The following PRKG1 variants were observed in gnomAD, a reference collection of about 807,000 sequenced individuals.
PRKG1 encodes cGMP-dependent protein kinase 1.
In PRKG1, 35 loss-of-function variants were observed where a neutral mutation model predicts 88.1. The ratio of observed to expected loss-of-function variants is 0.40; its 90% CI spans 0.30 to 0.53. The LOEUF is 0.53. Ranked by LOEUF, PRKG1 falls within the 20% of genes least tolerant of loss-of-function variation. PRKG1 has a pLI of 0.59. For synonymous variants in PRKG1, 303 were observed against 292.5 expected (o/e 1.04, Z -0.37); for missense variants, 540 against 839.8 (o/e 0.64, Z 4.41).
intron 2 of PRKG1, among the ~76,000 whole-genome samples, chr10:51,326,162 A>G (rs1438361178): frequency 6.6e-6 from 1 of 152,214 alleles, no homozygotes; most frequent in Admixed American, 6.5e-5. Context: ...ATGTGTTTCT[A>G]TTAAAGAACT....
At chr10:51,551,812 A>T (rs1564546266) in intron 3 of PRKG1, among the ~76,000 whole-genome samples, 1 of 151,754 alleles carries the variant, frequency 6.6e-6, no homozygotes, top group African/African-American at 2.4e-5. Context: ...TATTTGAAGT[A>T]CTTTTCTTTT....
chr10:52,062,837 C>T lies in PRKG1; in HGVS notation c.935+206C>T, dbSNP rs775212197. The T allele has an allele frequency of 2.1e-5, 15 of 714,592 alleles. No homozygotes were observed. The Admixed American group carries it at 2.9e-4, about 14-fold the overall frequency. The allele number at this position is 714,592 out of a possible 1,614,324, so 44.3% of individuals were successfully genotyped here. A position where few individuals can be genotyped will look rare whatever the true frequency, so the allele number is the denominator to read the frequency against. ...CGTTGTGGAATAAATTCCTTAATTTCTAATAAATCAGTGTTATATTAATTG... is the reference window on the plus strand; with the variant it reads ...CGTTGTGGAATAAATTCCTTAATTTTTAATAAATCAGTGTTATATTAATTG... On this transcript the variant is annotated intron_variant, in intron 7 of 17. Coordinates refer to ENST00000373980, the MANE Select transcript of PRKG1 (RefSeq NM_006258.4).
At chr10:51,089,337 A>G (rs982392730) in intron 1 of PRKG1, among the ~76,000 whole-genome samples, 10 of 152,174 alleles carry the variant, frequency 6.6e-5, no homozygotes. Flanking sequence ...TACTAATTTT[A>G]TTTTGCAGAC....
intron 9 of PRKG1, among the ~76,000 whole-genome samples, chr10:52,185,574 G>A (rs1458683971): frequency 6.6e-6 from 1 of 152,164 alleles, no homozygotes; most frequent in African/African-American, 2.4e-5. Flanking sequence ...CAATGACCTG[G>A]TGGGGACTCT....
At chr10:51,564,541 A>C (rs977629471) in intron 3 of PRKG1, among the ~76,000 whole-genome samples, 1 of 152,078 alleles carries the variant, frequency 6.6e-6, no homozygotes, top group Non-Finnish European at 1.5e-5. Context: ...TGAGAATGGC[A>C]CGTTTGGAAG....
chr10:51,856,836 G>T (rs533625094), intron 4 of PRKG1, among the ~76,000 whole-genome samples: 6 of 151,966 alleles, frequency 3.9e-5, no homozygotes, highest in Non-Finnish European at 8.8e-5. Flanking sequence ...ATGGTGGCGG[G>T]TGCCTTAGTC....
chr10:52,049,954 C>T (rs1405406354), intron 5 of PRKG1, among the ~76,000 whole-genome samples: 1 of 151,924 alleles, frequency 6.6e-6, no homozygotes, highest in Non-Finnish European at 1.5e-5. Flanking sequence ...AAGTAGAAGC[C>T]TAGAAAAGGG....
At position 51,547,423 on chromosome 10, in the gene PRKG1, T is replaced by C. The variant is rs114395405; in HGVS notation, c.592+79587T>C. Among the ~76,000 whole-genome samples, 359 of 152,254 alleles carry C rather than the reference T, an allele frequency of 2.4e-3. 2 individuals are homozygous for C. Among genetic ancestry groups the C allele is most frequent in the African/African-American group, 8.1e-3 (336 of 41,570 alleles). On this transcript the variant is annotated intron_variant, in intron 3 of 17. Transcript: ENST00000373980. Reference sequence around the variant, plus strand: ...AAGTGTGGTTGAACGTCAGCAAATTTATATGTTTCAACCTAATATTTGCCA... The same window carrying C: ...AAGTGTGGTTGAACGTCAGCAAATTCATATGTTTCAACCTAATATTTGCCA...
chr10:51,098,239 G>C (rs1339557036), intron 1 of PRKG1, among the ~76,000 whole-genome samples: 1 of 152,166 alleles, frequency 6.6e-6, no homozygotes, highest in Non-Finnish European at 1.5e-5. Flanking sequence ...TAAGTTCCTG[G>C]ACAAGGTACT....
At chr10:51,308,172 C>A (rs748791935) in intron 2 of PRKG1, among the ~76,000 whole-genome samples, 1 of 152,116 alleles carries the variant, frequency 6.6e-6, no homozygotes, top group Non-Finnish European at 1.5e-5. Flanking sequence ...ACTCCTGTAC[C>A]ATTTTTTCGC....
intron 3 of PRKG1, among the ~76,000 whole-genome samples, chr10:51,505,576 A>C (rs1307672899): frequency 6.6e-6 from 1 of 152,164 alleles, no homozygotes; most frequent in Non-Finnish European, 1.5e-5. Flanking sequence ...CTCTGGTAGA[A>C]TTCGGCTATG....
At chr10:52,135,068 T>A (rs1459132889) in intron 8 of PRKG1, among the ~76,000 whole-genome samples, 1 of 152,058 alleles carries the variant, frequency 6.6e-6, no homozygotes, top group East Asian at 1.9e-4. Context: ...AGTTAGCGTC[T>A]AATAGAGATG....
At chr10:51,705,519 C>T (rs1207335724) in intron 3 of PRKG1, among the ~76,000 whole-genome samples, 1 of 152,104 alleles carries the variant, frequency 6.6e-6, no homozygotes, top group Non-Finnish European at 1.5e-5. Flanking sequence ...GCAATTGTTT[C>T]CTGATTTTTA....
intron 2 of PRKG1, among the ~76,000 whole-genome samples, chr10:51,341,040 G>T (rs1334173933): frequency 1.3e-5 from 2 of 151,898 alleles, no homozygotes; most frequent in East Asian, 1.9e-4. Flanking sequence ...CCATACACTT[G>T]GTGGGAAACC....
intron 7 of PRKG1, among the ~76,000 whole-genome samples, chr10:52,115,742 T>C (rs761669642): frequency 1.3e-5 from 2 of 152,174 alleles, no homozygotes; most frequent in Non-Finnish European, 2.9e-5. Context: ...TATAAACTCT[T>C]TGAGGGCAAT....
intron 2 of PRKG1, among the ~76,000 whole-genome samples, chr10:51,307,015 A>G (rs941239909): frequency 6.6e-6 from 1 of 152,150 alleles, no homozygotes; most frequent in African/African-American, 2.4e-5. Context: ...AATGGGGAGC[A>G]GACTGTTTCT....
intron 1 of PRKG1, among the ~76,000 whole-genome samples, chr10:51,007,033 G>T (rs1309763451): frequency 1.3e-5 from 2 of 150,370 alleles, no homozygotes; most frequent in African/African-American, 4.9e-5. Context: ...CTGCCACCCT[G>T]GTTCAAGCGA....
chr10:51,952,849 AG>A (rs1420088209), intron 5 of PRKG1, among the ~76,000 whole-genome samples: 1 of 152,218 alleles, frequency 6.6e-6, no homozygotes, highest in Non-Finnish European at 1.5e-5. Flanking sequence ...TCTAAAGGTC[AG>A]GATATAACAA....
chr10:51,236,637 A>C (rs1838998581), intron 2 of PRKG1, among the ~76,000 whole-genome samples: 1 of 151,660 alleles, frequency 6.6e-6, no homozygotes, highest in South Asian at 2.1e-4. Context: ...CGAGCAGCTG[A>C]GACTACAGGT....
Sources: allele counts gnomAD v4.1 joint callset (sites outside exome capture counted in the v4.1 genomes callset), GRCh38; gene constraint gnomAD v4.1.1; transcripts MANE v1.5; gene names NCBI Gene and HGNC (gene_info 2026-07-23, HGNC 2026-07-21).